The following CYRIA variants were observed in gnomAD, a reference collection of about 807,000 sequenced individuals.
CYRIA encodes the protein CYFIP related Rac1 interactor A.
In CYRIA, 15 loss-of-function variants were observed where a neutral mutation model predicts 43.9. The ratio of observed to expected loss-of-function variants is 0.34; its 90% CI spans 0.23 to 0.53. The LOEUF (loss-of-function observed/expected upper bound fraction) is 0.53, where lower values mean the gene tolerates loss of function less well. CYRIA is among the 20% of genes least tolerant of loss of function. The probability of loss-of-function intolerance (pLI) is 0.94; values close to 1 mark genes in which losing one functional copy is unlikely to be tolerated. For missense variants in CYRIA, 236 were observed against 394.2 expected (o/e 0.60, Z 3.40); for synonymous variants, 117 against 136.0 (o/e 0.86, Z 0.97).
intron 1 of CYRIA, among the ~76,000 whole-genome samples, chr2:16,641,494 A>C (rs1669675405): frequency 6.6e-6 from 1 of 151,966 alleles, no homozygotes. Context: ...CTCAACCTTG[A>C]CTCCCAGAGA....
At chr2:16,559,181 C>T (rs1300095306) in intron 10 of CYRIA, among the ~76,000 whole-genome samples, 3 of 152,162 alleles carry the variant, frequency 2.0e-5, no homozygotes, top group Non-Finnish European at 4.4e-5. Flanking sequence ...AATGAAGGGA[C>T]TGCATGCAAC....
At chr2:16,617,279 G>A (rs541419644) in intron 2 of CYRIA, among the ~76,000 whole-genome samples, 118 of 152,298 alleles carry the variant, frequency 7.7e-4, no homozygotes, top group Non-Finnish European at 1.5e-3. Flanking sequence ...CAGCAGTCAC[G>A]ATTCTTCATA....
intron 2 of CYRIA, among the ~76,000 whole-genome samples, chr2:16,620,638 G>A (rs1323876231): frequency 6.6e-6 from 1 of 152,142 alleles, no homozygotes; most frequent in East Asian, 1.9e-4. Flanking sequence ...TAAAAACTGT[G>A]AGCAGTTCTA....
chr2:16,559,917 A>G (rs1342938527), intron 9 of CYRIA, among the ~76,000 whole-genome samples: 1 of 152,182 alleles, frequency 6.6e-6, no homozygotes, highest in Non-Finnish European at 1.5e-5. Flanking sequence ...GTCCAAGATT[A>G]TAGAGAGTAA....
intron 2 of CYRIA, among the ~76,000 whole-genome samples, chr2:16,600,508 C>T (rs879272708): frequency 5.3e-5 from 8 of 152,200 alleles, no homozygotes; most frequent in South Asian, 4.1e-4. Context: ...ACATGGCTTC[C>T]GCATTCAGGT....
At chr2:16,648,541 T>G (rs2103544767) in intron 1 of CYRIA, among the ~76,000 whole-genome samples, 1 of 152,348 alleles carries the variant, frequency 6.6e-6, no homozygotes, top group South Asian at 2.1e-4. Flanking sequence ...CAAAAGGCTT[T>G]GTGGATGTGA....
intron 10 of CYRIA, among the ~76,000 whole-genome samples, chr2:16,558,882 A>C (rs1051517845): frequency 2.6e-5 from 4 of 152,096 alleles, no homozygotes; most frequent in African/African-American, 7.2e-5. Flanking sequence ...CCTATGCAGA[A>C]AATGTGTTCT....
At chr2:16,622,703 C>T (rs774665396) in intron 2 of CYRIA, among the ~76,000 whole-genome samples, 2 of 152,188 alleles carry the variant, frequency 1.3e-5, no homozygotes, top group Non-Finnish European at 2.9e-5. Flanking sequence ...TGAGCCAACA[C>T]AGAGCACAGC....
chr2:16,582,677 T>C (rs1394993926), intron 3 of CYRIA, among the ~76,000 whole-genome samples: 1 of 152,224 alleles, frequency 6.6e-6, no homozygotes, highest in Non-Finnish European at 1.5e-5. Context: ...ATCCATGTCA[T>C]ATCACCTATC....
At chr2:16,580,772 A>C (rs1382211176) in intron 3 of CYRIA, among the ~76,000 whole-genome samples, 2 of 152,166 alleles carry the variant, frequency 1.3e-5, no homozygotes, top group Non-Finnish European at 2.9e-5. Context: ...ATTGGTGAGA[A>C]GGTAGATCAA....
chr2:16,662,203 G>T (rs1670275521), intron 1 of CYRIA, among the ~76,000 whole-genome samples: 1 of 152,164 alleles, frequency 6.6e-6, no homozygotes, highest in African/African-American at 2.4e-5. Context: ...AACCTTCTCA[G>T]ATAATGAATG....
At chr2:16,622,122 G>A (rs1669016430) in intron 2 of CYRIA, among the ~76,000 whole-genome samples, 1 of 152,196 alleles carries the variant, frequency 6.6e-6, no homozygotes, top group Admixed American at 6.5e-5. Flanking sequence ...CTTGCTGAGT[G>A]CCAGGCCAGG....
intron 2 of CYRIA, among the ~76,000 whole-genome samples, chr2:16,601,233 G>C (rs1361597144): frequency 1.3e-5 from 2 of 152,096 alleles, no homozygotes; most frequent in African/African-American, 4.8e-5. Context: ...GAGTTTGCTC[G>C]ATAGAAGAAG....
At chr2:16,597,179 G>C (rs1668058149) in intron 2 of CYRIA, among the ~76,000 whole-genome samples, 1 of 102,208 alleles carries the variant, frequency 9.8e-6, no homozygotes, top group Non-Finnish European at 1.9e-5. Context: ...AATAGGTGTG[G>C]TGTGGTGCTG....
intron 1 of CYRIA, among the ~76,000 whole-genome samples, chr2:16,632,095 C>A (rs73918624): frequency 0.021 from 3,200 of 152,272 alleles, 121 homozygotes; most frequent in African/African-American, 0.073. Context: ...ACCACTTATG[C>A]CATAAGGCCG....
chr2:16,612,968 G>A (rs1044218008), intron 2 of CYRIA, among the ~76,000 whole-genome samples: 9 of 152,188 alleles, frequency 5.9e-5, no homozygotes, highest in African/African-American at 1.7e-4. Context: ...ATAAATGGGA[G>A]TTCCCCCGCA....
At chr2:16,640,659 T>C (rs1254664548) in intron 1 of CYRIA, among the ~76,000 whole-genome samples, 1 of 152,186 alleles carries the variant, frequency 6.6e-6, no homozygotes, top group Non-Finnish European at 1.5e-5. Context: ...TTACTGGTGA[T>C]GCTGCAGGCA....
chr2:16,560,667 C>A, intron 9 of CYRIA: 1 of 355,094 alleles, frequency 2.8e-6, no homozygotes, highest in Non-Finnish European at 5.3e-6. Context: ...ATATATTTAT[C>A]ATGATGTCCC....
At chr2:16,602,718 G>A (rs1668254337) in intron 2 of CYRIA, among the ~76,000 whole-genome samples, 1 of 152,080 alleles carries the variant, frequency 6.6e-6, no homozygotes, top group Non-Finnish European at 1.5e-5. Context: ...AGAATCCACA[G>A]CACATTAGGG....
Sources: allele counts gnomAD v4.1 joint callset (sites outside exome capture counted in the v4.1 genomes callset), GRCh38; gene constraint gnomAD v4.1.1; transcripts MANE v1.5; gene names NCBI Gene and HGNC (gene_info 2026-07-23, HGNC 2026-07-21).